The following WWOX variants were observed in gnomAD, a reference collection of about 807,000 sequenced individuals.
The protein encoded by WWOX is WW domain containing oxidoreductase.
WWOX carries 69 observed loss-of-function variants against 46.2 expected under a neutral mutation model. The ratio of observed to expected loss-of-function variants is 1.49; its 90% CI spans 1.23 to 1.82. The LOEUF is 1.82. Among genes scored for constraint, WWOX ranks in the 40% most tolerant of loss-of-function variants. The pLI, the probability that WWOX is intolerant of heterozygous loss-of-function variation, is 0.00. For missense variants in WWOX, 919 were observed against 542.6 expected (o/e 1.69, Z -6.89); for synonymous variants, 359 against 202.6 (o/e 1.77, Z -6.56).
chr16:78,887,238 T>C (rs963962950), intron 8 of WWOX, among the ~76,000 whole-genome samples: 2 of 151,924 alleles, frequency 1.3e-5, no homozygotes, highest in African/African-American at 4.8e-5. Flanking sequence ...TAATCCATTG[T>C]CATGACTGTA....
chr16:78,797,380 A>AAAAAT, intron 8 of WWOX, among the ~76,000 whole-genome samples: 1 of 144,512 alleles, frequency 6.9e-6, no homozygotes. Context: ...AAAAAAAAAA[A>AAAAAT]GGAAAATCAA....
rs569597998 is a variant in WWOX at position 78,289,582 on chromosome 16, CAG to C, written c.517-97277_517-97276del. Among the ~76,000 whole-genome samples the C allele has an allele frequency of 3.8e-3, 583 of 152,114 alleles. 5 individuals carry two copies. Among genetic ancestry groups the C allele is most frequent in the African/African-American group, 0.013 (533 of 41,486 alleles). On this transcript the variant is annotated intron_variant, in intron 5 of 8. Coordinates refer to ENST00000566780, the MANE Select transcript of WWOX (RefSeq NM_016373.4). ...TCCGCTGTCCTGCTGTGACCAGTAA[CAG>C]GGGAAAAAAATAAAACTCCCCTAAA...
intron 7 of WWOX, among the ~76,000 whole-genome samples, chr16:78,432,017 G>T (rs984212765): frequency 3.3e-5 from 5 of 152,100 alleles, no homozygotes; most frequent in African/African-American, 1.2e-4. Context: ...GACATGACCT[G>T]TGTTTATATT....
intron 8 of WWOX, among the ~76,000 whole-genome samples, chr16:78,794,162 C>T (rs1216222184): frequency 6.6e-6 from 1 of 152,060 alleles, no homozygotes; most frequent in Non-Finnish European, 1.5e-5. Context: ...AAAAGTGACC[C>T]CAGAAGCTGC....
chr16:78,523,553 T>G (rs929260239), intron 8 of WWOX, among the ~76,000 whole-genome samples: 2 of 152,356 alleles, frequency 1.3e-5, no homozygotes, highest in Non-Finnish European at 1.5e-5. Flanking sequence ...TGATGGTGTT[T>G]TAGTTGCCAG....
In WWOX at chr16:78,128,660, G is replaced by T. The variant is rs79498633; in HGVS notation, c.409+13506G>T. Among the ~76,000 whole-genome samples, 619 of 152,224 alleles carry T rather than the reference G, an allele frequency of 4.1e-3. 5 individuals carry two copies. Among genetic ancestry groups the T allele is most frequent in the Non-Finnish European group, 5.6e-3 (380 of 68,008 alleles). On this transcript the variant is annotated intron_variant, in intron 4 of 8. Transcript: ENST00000566780. The stretch of plus-strand genomic sequence containing the variant: ...CTTGATTATAGAAACTCTTTTTCCT[G>T]GTGATCACACAAAGCAAAAGAATGA...
intron 8 of WWOX, among the ~76,000 whole-genome samples, chr16:78,499,751 C>T (rs1193134591): frequency 6.6e-6 from 1 of 152,118 alleles, no homozygotes; most frequent in African/African-American, 2.4e-5. Flanking sequence ...GACTTGACAC[C>T]AGCCTCTGTC....
At chr16:78,345,503 G>A (rs1219717646) in intron 5 of WWOX, among the ~76,000 whole-genome samples, 1 of 64,802 alleles carries the variant, frequency 1.5e-5, no homozygotes, top group Non-Finnish European at 3.4e-5. Flanking sequence ...AATTTTAGTC[G>A]GGTGTAATGG....
At chr16:78,934,935 A>G (rs1315264047) in intron 8 of WWOX, among the ~76,000 whole-genome samples, 5 of 152,200 alleles carry the variant, frequency 3.3e-5, no homozygotes, top group Non-Finnish European at 1.5e-5. Context: ...CCCCATCTCT[A>G]CAAAGAATAC....
chr16:78,892,617 C>T (rs575418656), intron 8 of WWOX, among the ~76,000 whole-genome samples: 2 of 152,314 alleles, frequency 1.3e-5, no homozygotes, highest in South Asian at 2.1e-4. Context: ...TACTGAGATT[C>T]TGCGTGTGTG....
intron 8 of WWOX, among the ~76,000 whole-genome samples, chr16:78,895,205 C>A (rs1336556659): frequency 6.6e-6 from 1 of 152,324 alleles, no homozygotes; most frequent in African/African-American, 2.4e-5. Context: ...TTTAAAGAAT[C>A]TGGGCTTACC....
intron 8 of WWOX, among the ~76,000 whole-genome samples, chr16:79,155,904 T>C (rs2050372480): frequency 6.8e-6 from 1 of 146,844 alleles, no homozygotes; most frequent in Admixed American, 6.6e-5. Flanking sequence ...TGTTTTTTTT[T>C]TAATCTAGGT....
intron 8 of WWOX, among the ~76,000 whole-genome samples, chr16:79,058,504 G>C (rs547081382): frequency 6.6e-6 from 1 of 152,144 alleles, no homozygotes; most frequent in African/African-American, 2.4e-5. Context: ...ATGGAAAGGA[G>C]GAAGGAAGGA....
intron 5 of WWOX, among the ~76,000 whole-genome samples, chr16:78,191,823 T>G (rs1368816814): frequency 2.0e-5 from 3 of 152,182 alleles, no homozygotes; most frequent in Admixed American, 2.0e-4. Flanking sequence ...TTCTCAGAAT[T>G]TACAGGATAT....
chr16:79,191,133 A>G (rs916055113), intron 8 of WWOX, among the ~76,000 whole-genome samples: 2 of 152,142 alleles, frequency 1.3e-5, no homozygotes, highest in East Asian at 3.9e-4. Flanking sequence ...GGCTCAGTGC[A>G]GCCTCCGCCT....
intron 8 of WWOX, among the ~76,000 whole-genome samples, chr16:78,439,621 G>A (rs1217477961): frequency 6.6e-6 from 1 of 152,166 alleles, no homozygotes; most frequent in Non-Finnish European, 1.5e-5. Flanking sequence ...CTCCCTTTTA[G>A]TTACATAATT....
chr16:78,891,472 A>G (rs1218547312), intron 8 of WWOX: 1 of 152,190 alleles, frequency 6.6e-6, no homozygotes, highest in Non-Finnish European at 1.5e-5. Flanking sequence ...AAGTGACTGG[A>G]TGGTAATCAA....
chr16:78,317,273 C>G (rs912400202), intron 5 of WWOX, among the ~76,000 whole-genome samples: 1 of 152,170 alleles, frequency 6.6e-6, no homozygotes, highest in Non-Finnish European at 1.5e-5. Context: ...AATTCTCTCT[C>G]TCTCTCTGTC....
chr16:78,913,036 C>T (rs1273905748), intron 8 of WWOX, among the ~76,000 whole-genome samples: 1 of 151,992 alleles, frequency 6.6e-6, no homozygotes, highest in East Asian at 1.9e-4. Flanking sequence ...CACAACAGGT[C>T]TGAGTGTTTT....
Sources: gnomAD v4.1 joint callset for allele counts (sites outside exome capture counted in the v4.1 genomes callset) on GRCh38, gnomAD v4.1.1 for gene constraint, MANE v1.5 for transcripts, NCBI Gene and HGNC (gene_info 2026-07-23, HGNC 2026-07-21) for gene names.